Variants in GATAD2A observed in about 807,000 individuals in gnomAD.
GATAD2A encodes GATA zinc finger domain containing 2A, also known as transcriptional repressor p66-alpha.
A neutral mutation model predicts 68.5 loss-of-function variants in GATAD2A; 12 were observed. The ratio of observed to expected loss-of-function variants is 0.18; its 90% CI spans 0.11 to 0.28. GATAD2A has a LOEUF of 0.28. Among genes scored for constraint, GATAD2A ranks in the 10% least tolerant of loss-of-function variants. GATAD2A has a pLI of 1.00. For synonymous variants in GATAD2A, 410 were observed against 375.3 expected, an observed-to-expected ratio of 1.09 and a Z score of -1.07; for missense variants, 755 against 868.5, an observed-to-expected ratio of 0.87 and a Z score of 1.64.
intron 1 of GATAD2A, among the ~76,000 whole-genome samples, chr19:19,461,461 G>A (rs2057422588): frequency 6.6e-6 from 1 of 152,178 alleles, no homozygotes; most frequent in Non-Finnish European, 1.5e-5. Flanking sequence ...CACAGCATCA[G>A]TCAGCCTTTT....
chr19:19,462,522 G>T (rs954357496), intron 1 of GATAD2A, among the ~76,000 whole-genome samples: 1 of 152,362 alleles, frequency 6.6e-6, no homozygotes, highest in South Asian at 2.1e-4. Flanking sequence ...GAGGCCAGCC[G>T]TCAGTGCCGG....
intron 9 of GATAD2A, 83 bp from the exon 10 acceptor site, chr19:19,501,886 C>T: frequency 9.6e-7 from 1 of 1,038,274 alleles, no homozygotes; most frequent in Non-Finnish European, 1.5e-6. Flanking sequence ...AGGGGACGGG[C>T]CTGTCCTGTG....
chr19:19,425,195 T>C lies in GATAD2A; in HGVS notation c.-7+19176T>C, dbSNP rs140347533. ...AAAGGTAATACAATTAGTTGAAATA[T>C]TGCAGTGTGGGGAGGCTATTTGGGT... On this transcript the variant is annotated intron_variant, in intron 1 of 11. Transcript: ENST00000683918. Among the ~76,000 whole-genome samples, 504 of 152,248 alleles carry C rather than the reference T, an allele frequency of 3.3e-3. 4 individuals carry two copies. The highest frequency in any genetic ancestry group is 0.011 in the African/African-American group (446 of 41,528).
At chr19:19,485,458 C>G (rs531618472) in intron 2 of GATAD2A, among the ~76,000 whole-genome samples, 42 of 152,330 alleles carry the variant, frequency 2.8e-4, no homozygotes, top group Non-Finnish European at 4.7e-4. Flanking sequence ...ACAGCTGGGA[C>G]TGGCTGGACC....
intron 1 of GATAD2A, among the ~76,000 whole-genome samples, chr19:19,409,014 CTTTT>C (rs5827448): frequency 3.3e-4 from 38 of 116,508 alleles, no homozygotes; most frequent in South Asian, 1.7e-3. Flanking sequence ...GAAATGTTGG[CTTTT>C]TTTTTTTTTT....
At chr19:19,463,369 C>G (rs2057613893) in intron 1 of GATAD2A, among the ~76,000 whole-genome samples, 1 of 152,146 alleles carries the variant, frequency 6.6e-6, no homozygotes, top group Non-Finnish European at 1.5e-5. Context: ...GAAGGAAGGA[C>G]AGAGACCATA....
intron 2 of GATAD2A, among the ~76,000 whole-genome samples, chr19:19,490,825 C>T (rs1568331446): frequency 6.6e-6 from 1 of 152,138 alleles, no homozygotes. Flanking sequence ...GTGGAGGTTG[C>T]AGTGAGCCGA....
At chr19:19,450,058 G>A (rs1293528227) in intron 1 of GATAD2A, among the ~76,000 whole-genome samples, 1 of 152,030 alleles carries the variant, frequency 6.6e-6, no homozygotes, top group East Asian at 1.9e-4. Context: ...CCAAAGTGCT[G>A]GGATTAACAG....
intron 1 of GATAD2A, among the ~76,000 whole-genome samples, chr19:19,448,334 A>G (rs911025599): frequency 3.3e-5 from 5 of 152,238 alleles, no homozygotes; most frequent in African/African-American, 1.2e-4. Context: ...GGGCTTGGGC[A>G]CAGGCCCTGG....
At chr19:19,458,800 A>G (rs531843243) in intron 1 of GATAD2A, among the ~76,000 whole-genome samples, 2 of 152,314 alleles carry the variant, frequency 1.3e-5, no homozygotes, top group African/African-American at 4.8e-5. Context: ...AAGAATGGGC[A>G]GTGGTATCCT....
chr19:19,401,127 G>A (rs186117010), upstream of GATAD2A, among the ~76,000 whole-genome samples: 7 of 125,714 alleles, frequency 5.6e-5, no homozygotes, highest in Admixed American at 6.3e-4. Context: ...GGCAACGAGC[G>A]AGACTCTGTC....
intron 1 of GATAD2A, among the ~76,000 whole-genome samples, chr19:19,444,628 T>C (rs2055489779): frequency 6.6e-6 from 1 of 152,142 alleles, no homozygotes; most frequent in Non-Finnish European, 1.5e-5. Flanking sequence ...CCCAGCACTT[T>C]GGGAGGCCAA....
chr19:19,432,996 C>T (rs2053919574), intron 1 of GATAD2A, among the ~76,000 whole-genome samples: 1 of 152,200 alleles, frequency 6.6e-6, no homozygotes, highest in African/African-American at 2.4e-5. Context: ...ACAGGCTTTC[C>T]TGAGTGACTG....
At chr19:19,486,751 C>G (rs934188118) in intron 2 of GATAD2A, among the ~76,000 whole-genome samples, 3 of 152,198 alleles carry the variant, frequency 2.0e-5, no homozygotes, top group Admixed American at 2.0e-4. Flanking sequence ...GCTGCCTGAT[C>G]CCCCTGCAGC....
At chr19:19,444,427 G>A (rs774480164) in intron 1 of GATAD2A, among the ~76,000 whole-genome samples, 1 of 152,154 alleles carries the variant, frequency 6.6e-6, no homozygotes, top group Non-Finnish European at 1.5e-5. Context: ...TGTTCTCCTT[G>A]GGGCTCCTGA....
intron 1 of GATAD2A, among the ~76,000 whole-genome samples, chr19:19,453,676 T>A (rs532179634): frequency 0.032 from 4,609 of 143,056 alleles, 104 homozygotes; most frequent in South Asian, 0.13. Flanking sequence ...TTAATTTTTT[T>A]AAAATTTTTT....
chr19:19,450,743 T>TA (rs3031870), intron 1 of GATAD2A, among the ~76,000 whole-genome samples: 4,720 of 125,080 alleles, frequency 0.038, 91 homozygotes, highest in African/African-American at 0.055. Context: ...CTCATTACAT[T>TA]AAAAAAAAAA....
intron 2 of GATAD2A, among the ~76,000 whole-genome samples, chr19:19,469,116 A>G (rs910139001): frequency 2.0e-5 from 3 of 152,186 alleles, no homozygotes; most frequent in African/African-American, 7.2e-5. Context: ...TCTGAACAAA[A>G]TAACTTTAAA....
At chr19:19,441,668 T>C in intron 1 of GATAD2A, 1 of 178,308 alleles carries the variant, frequency 5.6e-6, no homozygotes, top group Non-Finnish European at 1.2e-5. Context: ...TTCATGCCAT[T>C]CTCCTGCCTC....
Sources: allele counts gnomAD v4.1 joint callset (sites outside exome capture counted in the v4.1 genomes callset), GRCh38; gene constraint gnomAD v4.1.1; transcripts MANE v1.5; gene names NCBI Gene and HGNC (gene_info 2026-07-23, HGNC 2026-07-21).